The following POLA2 variants were observed in gnomAD, a reference collection of about 807,000 sequenced individuals.
POLA2 encodes DNA polymerase alpha 2, accessory subunit, also known as DNA polymerase alpha subunit B.
Under a neutral mutation model 82.8 loss-of-function variants are expected in POLA2, and 47 were observed. The ratio of observed to expected loss-of-function variants is 0.57; its 90% CI spans 0.45 to 0.72. The LOEUF (loss-of-function observed/expected upper bound fraction) is 0.72, where lower values mean the gene tolerates loss of function less well. Among genes scored for constraint, POLA2 ranks in the 30% least tolerant of loss-of-function variants. The pLI, the probability that POLA2 is intolerant of heterozygous loss-of-function variation, is 0.00. For missense variants in POLA2, 634 were observed against 728.1 expected (o/e 0.87, Z 1.49); for synonymous variants, 287 against 286.8 (o/e 1.00, Z -0.01).
chr11:65,270,120 C>G (rs1371559733), intron 4 of POLA2, among the ~76,000 whole-genome samples: 1 of 152,156 alleles, frequency 6.6e-6, no homozygotes, highest in Admixed American at 6.5e-5. Context: ...TGTGAGCCAC[C>G]GTGCCCAGCC....
intron 10 of POLA2, among the ~76,000 whole-genome samples, chr11:65,286,448 G>A (rs1016983682): frequency 3.2e-4 from 48 of 151,882 alleles, no homozygotes; most frequent in African/African-American, 1.1e-3. Context: ...AGTGCAGTGG[G>A]CATGATCACA....
chr11:65,273,862 T>C (rs1279904839), intron 4 of POLA2, among the ~76,000 whole-genome samples: 1 of 152,092 alleles, frequency 6.6e-6, no homozygotes. Context: ...AAAACTCTTC[T>C]GAAGAAATAA....
At chr11:65,285,623 G>A (rs1415318995) in intron 10 of POLA2, among the ~76,000 whole-genome samples, 2 of 151,362 alleles carry the variant, frequency 1.3e-5, no homozygotes, top group African/African-American at 4.9e-5. Context: ...CAAATTTATA[G>A]GGGGCAAGGG....
At chr11:65,304,836 C>T (rs964932598) in intron 8 of POLA2, among the ~76,000 whole-genome samples, 1 of 152,168 alleles carries the variant, frequency 6.6e-6, no homozygotes, top group African/African-American at 2.4e-5. Flanking sequence ...TAGCAGGGGC[C>T]CTGCTGCAGG....
chr11:65,296,948 CAAA>C (rs547282942), intron 17 of POLA2, among the ~76,000 whole-genome samples, 169 bp from the exon 18 acceptor site: 6 of 58,030 alleles, frequency 1.0e-4, no homozygotes, highest in Admixed American at 4.1e-4. Flanking sequence ...GACTCCATCT[CAAA>C]AAAAAAAAAA....
chr11:65,294,638 C>T lies in POLA2; in HGVS notation c.1446C>T (p.Ala482=), dbSNP rs151070088. Residue 482 remains alanine, a synonymous_variant, in exon 15 of 18, where the codon GCC becomes GCT. Coordinates refer to ENST00000265465, the MANE Select transcript of POLA2 (RefSeq NM_002689.4). The part of the protein sequence containing the change: ...TSTDLLFHLG[A]EEISSSSGTS... ...CAGATCTGCTTTTCCACCTGGGGGC[C>T]GAGGAGATCAGTAGGTAAGAAGTGT... 7.4e-6 allele frequency: 12 copies of T among 1,612,578 alleles called. No individual in the cohort carries two copies. The highest frequency in any genetic ancestry group is 6.7e-5 in the Admixed American group (4 of 59,946).
intron 11 of POLA2, among the ~76,000 whole-genome samples, chr11:65,288,431 T>A (rs910713778): frequency 7.9e-5 from 12 of 152,128 alleles, no homozygotes; most frequent in Non-Finnish European, 1.6e-4. Context: ...AATACTATTA[T>A]TAGTATGGTG....
rs1326663205 is a variant in POLA2 at position 65,288,942 on chromosome 11, G to A, written c.1132-108G>A. ...CAGGCTCTACAGGCAGCCTTGGAGG[G>A]ACAGATGAGCCCTCCACAGAGAACT... On this transcript the variant is annotated intron_variant, in intron 11 of 17. Transcript: ENST00000265465. 3.8e-6 allele frequency: 4 copies of A among 1,052,098 alleles called. No individual in the cohort carries two copies. The African/African-American group carries it at 4.7e-5, about 12-fold the overall frequency. The allele number at this position is 1,052,098 out of a possible 1,614,324, so 65.2% of individuals were successfully genotyped here.
At chr11:65,272,703 T>A (rs1949534259) in intron 4 of POLA2, among the ~76,000 whole-genome samples, 1 of 152,204 alleles carries the variant, frequency 6.6e-6, no homozygotes, top group Admixed American at 6.5e-5. Flanking sequence ...CATTGGTGAC[T>A]ACATTTCTGA....
At chr11:65,266,511 AT>A in intron 1 of POLA2, 70 bp from the exon 2 acceptor site, 2 of 1,514,772 alleles carry the variant, frequency 1.3e-6, no homozygotes, top group Middle Eastern at 1.7e-4. Context: ...AACCAGGATT[AT>A]TTTTGCTTTT....
Position 65,267,634 on chromosome 11 carries a change from C to T in POLA2, c.296+66C>T, listed in dbSNP as rs185440168. The T allele has an allele frequency of 2.3e-5, 25 of 1,069,816 alleles. No individual in the cohort carries two copies. In the East Asian group the frequency reaches 4.3e-4, roughly 18 times the overall value. The allele number at this position is 1,069,816 out of a possible 1,614,324, so 66.3% of individuals were successfully genotyped here. On this transcript the variant is annotated intron_variant, in intron 3 of 17. Transcript: ENST00000265465. ...TTGTATTTTATAATTTGTCTGTAGT[C>T]GCATGTGTAATTTAAAAACAAATAA...
At chr11:65,278,678 T>G (rs1234728689) in intron 5 of POLA2, 52 bp from the exon 6 acceptor site, 11 of 1,421,092 alleles carry the variant, frequency 7.7e-6, no homozygotes, top group Non-Finnish European at 1.1e-5. Flanking sequence ...TTTATTCTTC[T>G]CTCCCTTTAG....
rs1383358557 is a variant in POLA2, at chr11:65,295,895, A to G, written c.1552A>G (p.Met518Val). 2 of 1,608,604 alleles carry G rather than the reference A, an allele frequency of 1.2e-6. No homozygotes were observed. Among genetic ancestry groups the G allele is most frequent in the Non-Finnish European group, 1.7e-6 (2 of 1,175,152 alleles). Reference sequence around the variant, plus strand: ...CCCACTCTACCCGCCCCAAGAAGACATGGCCATTGACTATGAGTCGTTCTA... The same window carrying G: ...CCCACTCTACCCGCCCCAAGAAGACGTGGCCATTGACTATGAGTCGTTCTA... ...YYPLYPPQED[M>V]AIDYESFYVY... is the part of the protein sequence containing the mutation. The change falls in exon 17 of 18, where the codon ATG becomes GTG. Residue 518 changes from methionine (M) to valine (V), a missense_variant. Transcript: ENST00000265465.
chr11:65,297,886 G>T lies in POLA2; in HGVS notation c.*617G>T, dbSNP rs901652738. ...AGGATGGTCTCGATCTCCTGACCTTGTGATCTGTCCGCCTCAGCCTCCCAA... is the reference window on the plus strand; with the variant it reads ...AGGATGGTCTCGATCTCCTGACCTTTTGATCTGTCCGCCTCAGCCTCCCAA... On this transcript the variant is annotated 3_prime_UTR_variant, in exon 18 of 18. Transcript: ENST00000265465. 2.6e-5 allele frequency: 4 copies of T among 152,408 alleles called. No individual in the cohort carries two copies. Among genetic ancestry groups the T allele is most frequent in the East Asian group, 3.9e-4 (2 of 5,182 alleles). The allele number at this position is 152,408 out of a possible 1,614,324, so 9.4% of individuals were successfully genotyped here.
At position 65,298,395 on chromosome 11, in the gene POLA2, A is replaced by G. The variant is rs1949836659; in HGVS notation, c.*1126A>G. On this transcript the variant is annotated 3_prime_UTR_variant, in exon 18 of 18. Transcript: ENST00000265465. The stretch of plus-strand genomic sequence containing the variant: ...GGTTCACAGCACGTCCCATGCCCCT[A>G]TGTCCTGGCATCTGGGGAAAAGCTG... 6.6e-6 allele frequency: 1 copy of G among 152,292 alleles called. No individual in the cohort carries two copies. The highest frequency in any genetic ancestry group is 2.1e-4 in the South Asian group (1 of 4,832). The allele number at this position is 152,292 out of a possible 1,614,324, so 9.4% of individuals were successfully genotyped here.
chr11:65,278,056 G>A (rs1949600137), intron 5 of POLA2, among the ~76,000 whole-genome samples: 1 of 152,160 alleles, frequency 6.6e-6, no homozygotes. Flanking sequence ...TTTACAACCA[G>A]AGGATTAGAA....
intron 10 of POLA2, among the ~76,000 whole-genome samples, chr11:65,284,322 C>CA (rs1565483262): frequency 6.6e-6 from 1 of 151,290 alleles, no homozygotes; most frequent in South Asian, 2.1e-4. Flanking sequence ...AAAATAAAAA[C>CA]AAAAAAAATC....
At chr11:65,271,775 G>A (rs189197488) in intron 4 of POLA2, among the ~76,000 whole-genome samples, 1 of 148,944 alleles carries the variant, frequency 6.7e-6, no homozygotes, top group Admixed American at 6.8e-5. Context: ...GGAGGTGGAA[G>A]TTGCAGTGAG....
chr11:65,303,964 G>A (rs1483322034), intron 8 of POLA2, among the ~76,000 whole-genome samples: 5 of 152,190 alleles, frequency 3.3e-5, no homozygotes, highest in Admixed American at 3.3e-4. Flanking sequence ...ACAGAAACCT[G>A]TAAACAGTGG....
Sources: gnomAD v4.1 joint callset for allele counts (sites outside exome capture counted in the v4.1 genomes callset) on GRCh38, gnomAD v4.1.1 for gene constraint, MANE v1.5 for transcripts, NCBI Gene and HGNC (gene_info 2026-07-23, HGNC 2026-07-21) for gene names.